RAF1: variants seen among roughly 807,000 people sequenced by gnomAD.
RAF1 encodes RAF proto-oncogene serine/threonine-protein kinase.
A neutral mutation model predicts 81.1 loss-of-function variants in RAF1; 27 were observed. The observed-to-expected ratio is 0.33, with a 90% CI of 0.25 to 0.46. The LOEUF is 0.46. RAF1 is among the 20% of genes least tolerant of loss of function. The pLI is 1.00. For missense variants in RAF1, 598 were observed against 826.0 expected, an observed-to-expected ratio of 0.72 and a Z score of 3.38; for synonymous variants, 298 against 294.0, an observed-to-expected ratio of 1.01 and a Z score of -0.14.
rs2058918472 is a variant in RAF1, at chr3:12,603,219, A to G, written c.894+259T>C. ...CTCTGGAGTAGCTGGGACAACAGACATACACCGTCATGCCTGGCCTAACTT... is the reference window on the plus strand; with the variant it reads ...CTCTGGAGTAGCTGGGACAACAGACGTACACCGTCATGCCTGGCCTAACTT... On this transcript the variant is annotated intron_variant, in intron 8 of 17. Coordinates refer to ENST00000442415, the MANE Select transcript of RAF1 (RefSeq NM_001354689.3). 3.3e-5 allele frequency among the ~76,000 whole-genome samples: 5 copies of G among 152,164 alleles called. No homozygotes were observed. In the South Asian group the frequency reaches 1.0e-3, roughly 32 times the overall value.
intron 1 of RAF1, among the ~76,000 whole-genome samples, chr3:12,626,885 T>A (rs1009175902): frequency 2.6e-5 from 4 of 151,084 alleles, no homozygotes; most frequent in Non-Finnish European, 5.9e-5. Flanking sequence ...TTAGCCAGGG[T>A]TGGTGCTGCA....
chr3:12,588,822 TC>T lies in RAF1; in HGVS notation c.1431-1186del, dbSNP rs2058412854. On this transcript the variant is annotated intron_variant, in intron 13 of 17. Transcript: ENST00000442415. ...CTCCAAATCTCAAGTTGAAATGTGA[TC>T]CCCAGTGTTGGAGGTGGGACCTAAG... 2.6e-5 allele frequency: 4 copies of T among 152,272 alleles called. No homozygotes were observed. The South Asian group carries it at 8.3e-4, about 32-fold the overall frequency. 9.4% of individuals were successfully genotyped at this position (152,272 alleles called of 1,614,324 possible). A position where few individuals can be genotyped will look rare whatever the true frequency, so the allele number is the denominator to read the frequency against.
chr3:12,646,674 C>A (rs534576248), intron 1 of RAF1, among the ~76,000 whole-genome samples: 1 of 151,962 alleles, frequency 6.6e-6, no homozygotes, highest in Non-Finnish European at 1.5e-5. Context: ...CCTCAGCCTC[C>A]CGAGTAGCTG....
intron 2 of RAF1, 77 bp downstream of exon 2, chr3:12,618,438 T>C (rs2059444358): frequency 4.0e-6 from 6 of 1,497,982 alleles, no homozygotes; most frequent in Non-Finnish European, 4.6e-6. Flanking sequence ...TTTGCCTGTC[T>C]TTAAGTTGAA....
chr3:12,638,533 G>C (rs542042226), intron 1 of RAF1, among the ~76,000 whole-genome samples: 10 of 152,274 alleles, frequency 6.6e-5, no homozygotes, highest in African/African-American at 2.2e-4. Flanking sequence ...AGAATTCTAC[G>C]TCAGAGGTAT....
chr3:12,617,021 G>A (rs5746194), intron 2 of RAF1, among the ~76,000 whole-genome samples: 88,943 of 151,938 alleles, frequency 0.59, 26,715 homozygotes, highest in East Asian at 0.92. Flanking sequence ...TGCAACCTTT[G>A]CCTCCTGGGC....
chr3:12,653,828 CA>C (rs2060605497), intron 1 of RAF1, among the ~76,000 whole-genome samples: 1 of 151,972 alleles, frequency 6.6e-6, no homozygotes, highest in Non-Finnish European at 1.5e-5. Flanking sequence ...GCATGGGTCC[CA>C]TATGAAGTAC....
intron 1 of RAF1, among the ~76,000 whole-genome samples, chr3:12,645,454 T>C (rs543519957): frequency 1.6e-4 from 25 of 152,314 alleles, no homozygotes; most frequent in Middle Eastern, 3.4e-3. Flanking sequence ...AAAATTCAGA[T>C]ACTCAGACTT....
intron 1 of RAF1, among the ~76,000 whole-genome samples, chr3:12,633,069 A>G (rs1250328233): frequency 2.0e-5 from 3 of 152,210 alleles, no homozygotes; most frequent in Admixed American, 1.3e-4. Context: ...CAAAGACAAC[A>G]AATCTCATCC....
chr3:12,641,489 GGTTT>G (rs1369190902), intron 1 of RAF1, among the ~76,000 whole-genome samples: 5 of 141,964 alleles, frequency 3.5e-5, no homozygotes, highest in Non-Finnish European at 6.1e-5. Context: ...AATGTTTTTT[GGTTT>G]TTTTTTTTTT....
intron 11 of RAF1, 133 bp from the exon 11 acceptor site, chr3:12,591,925 A>T (rs374759910): frequency 6.2e-4 from 398 of 645,924 alleles, no homozygotes; most frequent in Middle Eastern, 2.6e-3. Flanking sequence ...CAAATTTCCA[A>T]TTTTTTTTTT....
intron 1 of RAF1, among the ~76,000 whole-genome samples, chr3:12,628,013 G>C (rs528189948): frequency 6.6e-6 from 1 of 152,182 alleles, no homozygotes; most frequent in African/African-American, 2.4e-5. Flanking sequence ...CCAGCTACTC[G>C]GGAGGCTGAG....
intron 1 of RAF1, among the ~76,000 whole-genome samples, chr3:12,624,378 C>T (rs1053386238): frequency 3.3e-5 from 5 of 152,056 alleles, no homozygotes; most frequent in African/African-American, 1.2e-4. Flanking sequence ...GAGGAAAAAG[C>T]ATCTTCTAAA....
chr3:12,592,961 G>A lies in RAF1; in HGVS notation c.1169-1169C>T, dbSNP rs191333525. 2.2e-3 allele frequency among the ~76,000 whole-genome samples: 333 copies of A among 151,426 alleles called. 1 individual carries two copies. Among genetic ancestry groups the A allele is most frequent in the Non-Finnish European group, 2.4e-3 (162 of 67,832 alleles). ...TCACCATGTTAGCCAGGATGGTCTC[G>A]ATCTCCTGACCTTGTGAGGCCTCCC... is the stretch of plus-strand genomic sequence containing the variant. On this transcript the variant is annotated intron_variant, in intron 11 of 17. Transcript: ENST00000442415.
intron 1 of RAF1, 137 bp downstream of exon 1, chr3:12,663,676 G>T (rs576652005): frequency 7.7e-6 from 3 of 387,636 alleles, no homozygotes; most frequent in Admixed American, 4.5e-5. Context: ...GGGTGACAAC[G>T]GCCTGGCCCA....
intron 11 of RAF1, chr3:12,592,178 T>G (rs150125514): frequency 1.2e-5 from 4 of 345,016 alleles, no homozygotes; most frequent in African/African-American, 2.1e-5. Flanking sequence ...GCCACAGAGG[T>G]GAGGTCATGT....
chr3:12,612,146 T>G, intron 2 of RAF1, 84 bp from the exon 3 acceptor site: 1 of 1,054,156 alleles, frequency 9.5e-7, no homozygotes, highest in Non-Finnish European at 1.5e-6. Context: ...TGCACCAGTC[T>G]GTATTGCTTG....
Position 12,609,244 on chromosome 3 carries a change from T to C in RAF1, c.412A>G (p.Thr138Ala), listed in dbSNP as rs1559434089. 1 of 1,608,662 alleles carries C rather than the reference T, an allele frequency of 6.2e-7. No homozygotes were observed. Among genetic ancestry groups the C allele is most frequent in the Non-Finnish European group, 8.5e-7 (1 of 1,175,036 alleles). Residue 138 changes from threonine to alanine, a missense_variant, in exon 4 of 18, where the codon ACA becomes GCA. Coordinates refer to ENST00000442415, the MANE Select transcript of RAF1 (RefSeq NM_001354689.3). Reference sequence around the variant, plus strand: ...GATCTGCAACTTACAAAGTTGTGTGTTGTGAGGGGAACATGATCCAGGAAA... The same window carrying C: ...GATCTGCAACTTACAAAGTTGTGTGCTGTGAGGGGAACATGATCCAGGAAA...
intron 1 of RAF1, among the ~76,000 whole-genome samples, chr3:12,642,813 G>A (rs2060234929): frequency 6.6e-6 from 1 of 151,264 alleles, no homozygotes; most frequent in African/African-American, 2.4e-5. Flanking sequence ...GCCTTAACAG[G>A]GAGGTTGAGG....
Sources: gnomAD v4.1 joint callset for allele counts (sites outside exome capture counted in the v4.1 genomes callset) on GRCh38, gnomAD v4.1.1 for gene constraint, MANE v1.5 for transcripts, NCBI Gene and HGNC (gene_info 2026-07-23, HGNC 2026-07-21) for gene names.